Variants in ERAP2 observed in about 807,000 individuals in gnomAD.
ERAP2 encodes leukocyte-derived arginine aminopeptidase.
ERAP2 carries 118 observed loss-of-function variants against 111.1 expected under a neutral mutation model. The observed-to-expected ratio is 1.06, with a 90% CI of 0.92 to 1.24. The LOEUF (loss-of-function observed/expected upper bound fraction) is 1.24. ERAP2 is among the 50% of genes most tolerant of loss of function. The pLI, the probability that ERAP2 is intolerant of heterozygous loss-of-function variation, is 0.00. For missense variants in ERAP2, 1,131 were observed against 1,125.8 expected (o/e 1.00, Z -0.07); for synonymous variants, 410 against 401.2 (o/e 1.02, Z -0.26).
chr5:96,892,276 G>C, intron 5 of ERAP2, 23 bp from the exon 6 acceptor site: 1 of 1,612,608 alleles, frequency 6.2e-7, no homozygotes, highest in Non-Finnish European at 8.5e-7. Flanking sequence ...TAAAACTCAA[G>C]TATGGTTGTT....
At chr5:96,893,350 T>G (rs958585769) in intron 6 of ERAP2, among the ~76,000 whole-genome samples, 10 of 152,188 alleles carry the variant, frequency 6.6e-5, no homozygotes, top group African/African-American at 2.4e-4. Context: ...AACTTTATCC[T>G]TTATCGTCAC....
chr5:96,897,060 G>A (rs1427647494), intron 9 of ERAP2, among the ~76,000 whole-genome samples, 197 bp downstream of exon 9: 1 of 99,106 alleles, frequency 1.0e-5, no homozygotes, highest in Non-Finnish European at 2.2e-5. Flanking sequence ...GGTGGCCCCA[G>A]GGGCTCACTA....
chr5:96,896,770 T>A lies in ERAP2; in HGVS notation c.1410T>A (p.Gly470=). ...CILNMLKDFL[G]EEKFQKGIIQ... ...TGAATATGCTCAAGGATTTTCTGGG[T>A]GAGGAGAAATTCCAGAAAGGAATAA... is the stretch of plus-strand genomic sequence containing the variant. Residue 470 remains glycine, a synonymous_variant, in exon 9 of 19, where the codon GGT becomes GGA. Transcript: ENST00000437043. The A allele has an allele frequency of 6.6e-7, 1 of 1,511,188 alleles. No individual in the cohort carries two copies. Among genetic ancestry groups the A allele is most frequent in the Admixed American group, 2.1e-5 (1 of 46,588 alleles). The allele number at this position is 1,511,188 out of a possible 1,614,324, so 93.6% of individuals were successfully genotyped here. A position where few individuals can be genotyped will look rare whatever the true frequency, so the allele number is the denominator to read the frequency against.
chr5:96,877,501 C>T (rs1782668829), intron 1 of ERAP2, among the ~76,000 whole-genome samples: 1 of 152,238 alleles, frequency 6.6e-6, no homozygotes, highest in Non-Finnish European at 1.5e-5. Context: ...TAATTACTTA[C>T]TTCCTATATG....
intron 18 of ERAP2, among the ~76,000 whole-genome samples, chr5:96,917,098 C>A (rs867404922): frequency 6.6e-6 from 1 of 152,074 alleles, no homozygotes; most frequent in Non-Finnish European, 1.5e-5. Flanking sequence ...TTTTGGAAGA[C>A]GAAGTGGTTT....
At chr5:96,896,679 C>T in intron 8 of ERAP2, 53 bp from the exon 9 acceptor site, 1 of 1,509,224 alleles carries the variant, frequency 6.6e-7, no homozygotes, top group South Asian at 1.3e-5. Flanking sequence ...AAAAACATAC[C>T]ATACTACCAT....
chr5:96,907,573 A>ATTT lies in ERAP2; in HGVS notation c.2013-1377_2013-1375dup, dbSNP rs11440213. ...GGGAAGGAGTAGCAACATTTTGTGGATTTTTTTTTTTTTAATACGGCAGAC... is the reference window on the plus strand; with the variant it reads ...GGGAAGGAGTAGCAACATTTTGTGGATTTTTTTTTTTTTTTTAATACGGCAGAC... On this transcript the variant is annotated intron_variant, in intron 13 of 18. Transcript: ENST00000437043. Among the ~76,000 whole-genome samples, 797 of 148,376 alleles carry ATTT rather than the reference A, an allele frequency of 5.4e-3. 9 individuals carry two copies. The highest frequency in any genetic ancestry group is 0.01 in the African/African-American group (413 of 40,410).
intron 13 of ERAP2, among the ~76,000 whole-genome samples, chr5:96,906,913 A>G (rs1010010636): frequency 2.9e-4 from 44 of 152,204 alleles, no homozygotes; most frequent in Admixed American, 2.6e-3. Flanking sequence ...GTGCCTTCCC[A>G]GCTACTTGGG....
rs1374769721 is a variant in ERAP2 at position 96,885,614 on chromosome 5, G to A, written c.715-1041G>A. On this transcript the variant is annotated intron_variant, in intron 3 of 18. Transcript: ENST00000437043. ...CTATTTTCTCTTGCCAAAGCAAATCGTAATCTTATCCAACATGTCAAACAT... is the reference window on the plus strand; with the variant it reads ...CTATTTTCTCTTGCCAAAGCAAATCATAATCTTATCCAACATGTCAAACAT... Among the ~76,000 whole-genome samples the A allele has an allele frequency of 2.6e-5, 4 of 152,284 alleles. No homozygotes were observed. In the East Asian group the frequency reaches 7.7e-4, roughly 29 times the overall value.
At position 96,883,828 on chromosome 5, in the gene ERAP2, A is replaced by G; in HGVS notation, c.612A>G (p.Ala204=). The part of the protein sequence containing the change: ...LAVTDFEPTQ[A]RMAFPCFDEP... ...TAACAGATTTTGAGCCAACCCAGGC[A>G]CGCATGGCTTTCCCTTGCTTTGATG... The change falls in exon 3 of 19, where the codon GCA becomes GCG. Residue 204 remains alanine, a synonymous_variant. Transcript: ENST00000437043. 1 of 1,613,440 alleles carries G rather than the reference A, an allele frequency of 6.2e-7. No individual in the cohort carries two copies. Among genetic ancestry groups the G allele is most frequent in the African/African-American group, 1.3e-5 (1 of 75,004 alleles).
Position 96,895,231 on chromosome 5 carries a change from GT to G in ERAP2, c.1126-10del. On this transcript the variant is annotated splice_polypyrimidine_tract_variant and intron_variant, in intron 6 of 18. Coordinates refer to ENST00000437043, the MANE Select transcript of ERAP2 (RefSeq NM_022350.5). ...TTTGTTTAACTTCTAATAATATTGAGTTTTTACCTCCTAGTGGTTTGGCAAC... is the reference window on the plus strand; with the variant it reads ...TTTGTTTAACTTCTAATAATATTGAGTTTTACCTCCTAGTGGTTTGGCAAC... 6.7e-7 allele frequency: 1 copy of G among 1,486,970 alleles called. No individual in the cohort carries two copies. Among genetic ancestry groups the G allele is most frequent in the Non-Finnish European group, 9.3e-7 (1 of 1,076,840 alleles). 92.1% of individuals were successfully genotyped at this position (1,486,970 alleles called of 1,614,324 possible).
rs1783476344 is a variant in ERAP2 at position 96,884,081 on chromosome 5, TC to T, written c.714+152del. ...ATCTATCTATCTATCTATCTATCTA[TC>T]ATCATAATTTCAATCATTCTAGACG... On this transcript the variant is annotated intron_variant, in intron 3 of 18. Transcript: ENST00000437043. 3 of 607,052 alleles carry T rather than the reference TC, an allele frequency of 4.9e-6. No homozygotes were observed. In the African/African-American group the frequency reaches 5.9e-5, roughly 12 times the overall value. The allele number at this position is 607,052 out of a possible 1,614,324, so 37.6% of individuals were successfully genotyped here.
At chr5:96,893,091 C>G (rs1035996100) in intron 6 of ERAP2, among the ~76,000 whole-genome samples, 3 of 152,280 alleles carry the variant, frequency 2.0e-5, no homozygotes, top group East Asian at 3.9e-4. Flanking sequence ...ACGGCCACTA[C>G]AACTACAAGA....
intron 2 of ERAP2, 61 bp downstream of exon 2, chr5:96,880,321 C>A (rs1470958056): frequency 3.5e-6 from 5 of 1,432,032 alleles, no homozygotes; most frequent in Non-Finnish European, 4.7e-6. Flanking sequence ...AGTTACATCT[C>A]TTTGCCAGGA....
intron 13 of ERAP2, among the ~76,000 whole-genome samples, 200 bp downstream of exon 13, chr5:96,903,760 T>C (rs532349265): frequency 1.4e-4 from 22 of 152,320 alleles, no homozygotes; most frequent in African/African-American, 4.8e-4. Flanking sequence ...AATCCAATAT[T>C]TTAAAATGTG....
chr5:96,894,547 T>TA (rs1784675698), intron 6 of ERAP2, among the ~76,000 whole-genome samples: 1 of 152,090 alleles, frequency 6.6e-6, no homozygotes, highest in Non-Finnish European at 1.5e-5. Flanking sequence ...AAATAAAACA[T>TA]AAAAGCACAT....
At chr5:96,908,851 T>A (rs1249963218) in intron 13 of ERAP2, 110 bp from the exon 14 acceptor site, 1 of 1,138,396 alleles carries the variant, frequency 8.8e-7, no homozygotes, top group Non-Finnish European at 1.2e-6. Flanking sequence ...ATGGCCCAGC[T>A]ATAATGACCT....
intron 13 of ERAP2, 86 bp downstream of exon 13, chr5:96,903,646 G>T: frequency 1.6e-6 from 2 of 1,247,360 alleles, no homozygotes; most frequent in Non-Finnish European, 2.2e-6. Flanking sequence ...GTTCAACATT[G>T]GTCATTGATT....
At chr5:96,902,080 T>C (rs973105012) in intron 11 of ERAP2, among the ~76,000 whole-genome samples, 194 bp from the exon 12 acceptor site, 3 of 152,248 alleles carry the variant, frequency 2.0e-5, no homozygotes, top group Non-Finnish European at 4.4e-5. Flanking sequence ...TGCTCCTTTA[T>C]AATTATCATG....
Sources: allele counts gnomAD v4.1 joint callset (sites outside exome capture counted in the v4.1 genomes callset), GRCh38; gene constraint gnomAD v4.1.1; transcripts MANE v1.5; gene names NCBI Gene and HGNC (gene_info 2026-07-23, HGNC 2026-07-21).